Variants in NRG1 observed in about 807,000 individuals in gnomAD.
NRG1 encodes the protein neuregulin 1.
In NRG1, 18 loss-of-function variants were observed where a neutral mutation model predicts 63.8. That is an observed-to-expected ratio of 0.28 (90% CI 0.19 to 0.42). The LOEUF is 0.42. NRG1 is among the 10% of genes least tolerant of loss of function. The pLI is 1.00. For synonymous variants in NRG1, 302 were observed against 301.3 expected (o/e 1.00, Z -0.02); for missense variants, 762 against 814.7 (o/e 0.94, Z 0.79).
chr8:31,813,520 T>TCTTTTCTTTTCTTTTCTTTTC (rs1554540779), intron 1 of NRG1, among the ~76,000 whole-genome samples: 4,634 of 115,924 alleles, frequency 0.04, 98 homozygotes, highest in East Asian at 0.11. Flanking sequence ...TCTTTTCTTT[T>TCTTTTCTTTTCTTTTCTTTTC]TTTTTTTTTT....
intron 1 of NRG1, among the ~76,000 whole-genome samples, chr8:32,011,772 G>A (rs909495898): frequency 6.6e-6 from 1 of 152,078 alleles, no homozygotes; most frequent in Non-Finnish European, 1.5e-5. Flanking sequence ...AGGCTTGGAT[G>A]CCTAGGAAAT....
At chr8:31,682,162 T>A (rs1808405123) in intron 1 of NRG1, among the ~76,000 whole-genome samples, 1 of 152,198 alleles carries the variant, frequency 6.6e-6, no homozygotes, top group Non-Finnish European at 1.5e-5. Flanking sequence ...AATGACTTCA[T>A]AGTTTTGCCT....
intron 1 of NRG1, among the ~76,000 whole-genome samples, chr8:32,564,349 G>T (rs1373607346): frequency 6.6e-6 from 1 of 152,132 alleles, no homozygotes; most frequent in African/African-American, 2.4e-5. Flanking sequence ...TGCCAGGAAA[G>T]AATCAATCCC....
intron 7 of NRG1, among the ~76,000 whole-genome samples, chr8:32,745,665 G>A (rs1159598447): frequency 2.4e-5 from 3 of 127,262 alleles, no homozygotes; most frequent in African/African-American, 9.0e-5. Context: ...TCGATATGTG[G>A]TGTGTGGGGG....
At chr8:31,829,659 T>C (rs1003617600) in intron 1 of NRG1, among the ~76,000 whole-genome samples, 3 of 152,126 alleles carry the variant, frequency 2.0e-5, no homozygotes, top group South Asian at 2.1e-4. Flanking sequence ...AAAACCACTA[T>C]AGTCTTGGAT....
At chr8:31,897,752 T>C (rs1031156871) in intron 1 of NRG1, among the ~76,000 whole-genome samples, 4 of 152,110 alleles carry the variant, frequency 2.6e-5, no homozygotes, top group East Asian at 1.9e-4. Flanking sequence ...TAGTGGCTCA[T>C]GCCTGTAATC....
intron 1 of NRG1, among the ~76,000 whole-genome samples, chr8:32,528,977 T>C (rs1239596968): frequency 6.6e-6 from 1 of 152,206 alleles, no homozygotes; most frequent in Non-Finnish European, 1.5e-5. Flanking sequence ...CCAGAACATA[T>C]ACAGTCGTAC....
At chr8:32,716,412 A>G (rs1044715258) in intron 5 of NRG1, among the ~76,000 whole-genome samples, 2 of 152,230 alleles carry the variant, frequency 1.3e-5, no homozygotes, top group Non-Finnish European at 2.9e-5. Flanking sequence ...ATGGATGGAA[A>G]GAACAAAGAT....
chr8:32,331,259 G>A (rs960946403), intron 1 of NRG1, among the ~76,000 whole-genome samples: 1 of 151,708 alleles, frequency 6.6e-6, no homozygotes, highest in Non-Finnish European at 1.5e-5. Flanking sequence ...ACTTTGGAAG[G>A]CTGAGGGGGA....
intron 5 of NRG1, among the ~76,000 whole-genome samples, chr8:32,712,296 T>G (rs1223423966): frequency 1.3e-5 from 2 of 152,334 alleles, no homozygotes; most frequent in East Asian, 3.9e-4. Flanking sequence ...TTTTTCCATT[T>G]TGGATGCTGT....
chr8:32,025,815 G>A (rs1817183030), intron 1 of NRG1, among the ~76,000 whole-genome samples: 1 of 151,424 alleles, frequency 6.6e-6, no homozygotes, highest in African/African-American at 2.4e-5. Context: ...GGGCCTGGTG[G>A]CGGGCGCCTG....
chr8:32,273,818 T>C (rs1036392104), intron 1 of NRG1, among the ~76,000 whole-genome samples: 2 of 152,226 alleles, frequency 1.3e-5, no homozygotes, highest in Non-Finnish European at 1.5e-5. Flanking sequence ...ATGCTGGATG[T>C]GTTGACTGGT....
At chr8:31,787,196 A>C (rs1820257470) in intron 1 of NRG1, among the ~76,000 whole-genome samples, 1 of 152,224 alleles carries the variant, frequency 6.6e-6, no homozygotes, top group Admixed American at 6.5e-5. Context: ...ACTAAATTAT[A>C]ATACGAATTT....
Position 31,906,591 on chromosome 8 carries a change from A to G in NRG1, c.37+267160A>G, listed in dbSNP as rs1158496074. The stretch of plus-strand genomic sequence containing the variant: ...ATGTGCACTCTCACTTTACATCTCA[A>G]TTTTCATTCCGAGCAGTACTTTTAA... On this transcript the variant is annotated intron_variant, in intron 1 of 10. Coordinates refer to the NRG1 transcript ENST00000519301. Among the ~76,000 whole-genome samples the G allele has an allele frequency of 3.3e-5, 5 of 152,156 alleles. No individual in the cohort carries two copies. In the East Asian group the frequency reaches 9.7e-4, roughly 29 times the overall value.
At chr8:32,001,588 C>T (rs1812940181) in intron 1 of NRG1, among the ~76,000 whole-genome samples, 1 of 151,910 alleles carries the variant, frequency 6.6e-6, no homozygotes, top group African/African-American at 2.4e-5. Context: ...TTAGTTTTCA[C>T]CTTTGTCTTC....
intron 1 of NRG1, among the ~76,000 whole-genome samples, chr8:32,176,450 T>C (rs1165375251): frequency 1.3e-5 from 2 of 152,130 alleles, no homozygotes; most frequent in African/African-American, 2.4e-5. Context: ...CCAAAAGCAA[T>C]GGCAACAAAA....
chr8:32,588,574 T>C (rs1842024271), intron 1 of NRG1, among the ~76,000 whole-genome samples: 2 of 152,224 alleles, frequency 1.3e-5, no homozygotes, highest in South Asian at 4.1e-4. Flanking sequence ...TTTATTCTTT[T>C]ATGTTGTATA....
intron 1 of NRG1, among the ~76,000 whole-genome samples, chr8:31,828,303 G>C (rs1247408299): frequency 6.6e-6 from 1 of 152,130 alleles, no homozygotes; most frequent in African/African-American, 2.4e-5. Flanking sequence ...GAAATAACTT[G>C]CTTTTTACTC....
intron 1 of NRG1, among the ~76,000 whole-genome samples, chr8:32,053,957 AAGT>A (rs1822418139): frequency 6.6e-6 from 1 of 152,200 alleles, no homozygotes; most frequent in African/African-American, 2.4e-5. Context: ...CTGATTACAG[AAGT>A]AGTATTGGCT....
Sources: gnomAD v4.1 joint callset for allele counts (sites outside exome capture counted in the v4.1 genomes callset) on GRCh38, gnomAD v4.1.1 for gene constraint, MANE v1.5 for transcripts, NCBI Gene and HGNC (gene_info 2026-07-23, HGNC 2026-07-21) for gene names.